Variants in OR51B5 observed in about 807,000 individuals in gnomAD.
The protein encoded by OR51B5 is olfactory receptor family 51 subfamily B member 5.
For synonymous variants in OR51B5, 186 were observed against 144.8 expected (o/e 1.28, Z -2.04); for missense variants, 456 against 374.6 (o/e 1.22, Z -1.79).
At chr11:5,390,191 G>A in intron 1 of OR51B5, 1 of 1,613,964 alleles carries the variant, frequency 6.2e-7, no homozygotes, top group Middle Eastern at 1.6e-4. Context: ...AGTATTCTTT[G>A]TGCCCATGAT....
chr11:5,377,441 G>A (rs923494217), intron 1 of OR51B5, among the ~76,000 whole-genome samples: 1 of 152,202 alleles, frequency 6.6e-6, no homozygotes, highest in African/African-American at 2.4e-5. Context: ...ATTCAACATA[G>A]TGTTGGAAGT....
chr11:5,473,338 C>T (rs182062827), intron 1 of OR51B5, among the ~76,000 whole-genome samples: 9 of 152,142 alleles, frequency 5.9e-5, no homozygotes, highest in East Asian at 3.9e-4. Context: ...AAAAGGATGT[C>T]GGGGCCATCT....
intron 1 of OR51B5, chr11:5,389,376 A>AT: frequency 6.2e-7 from 1 of 1,603,814 alleles, no homozygotes; most frequent in Non-Finnish European, 8.5e-7. Context: ...ATATCCATTT[A>AT]TTTTCAGCTC....
At chr11:5,399,880 T>G (rs1253063467) in intron 1 of OR51B5, among the ~76,000 whole-genome samples, 1 of 152,108 alleles carries the variant, frequency 6.6e-6, no homozygotes, top group African/African-American at 2.4e-5. Flanking sequence ...CAAGATTTGT[T>G]TCTTCCAATA....
intron 1 of OR51B5, among the ~76,000 whole-genome samples, chr11:5,398,208 A>G (rs968824837): frequency 8.2e-5 from 5 of 61,174 alleles, no homozygotes; most frequent in African/African-American, 2.9e-4. Context: ...ATAACAAAAA[A>G]TAAGTTAGAA....
At chr11:5,343,780 T>TAG (rs1166774972), upstream of OR51B5, among the ~76,000 whole-genome samples, 8 of 152,358 alleles carry the variant, frequency 5.3e-5, no homozygotes, top group African/African-American at 1.7e-4. Flanking sequence ...TTTATATGCA[T>TAG]TTAAGCATTC....
At chr11:5,488,812 G>A in intron 1 of OR51B5, 1 of 1,614,034 alleles carries the variant, frequency 6.2e-7, no homozygotes, top group Non-Finnish European at 8.5e-7. Flanking sequence ...CCCTTTCTGT[G>A]CCATGTATCT....
chr11:5,418,082 A>G (rs1268457833), intron 1 of OR51B5, among the ~76,000 whole-genome samples: 1 of 151,022 alleles, frequency 6.6e-6, no homozygotes, highest in Non-Finnish European at 1.5e-5. Flanking sequence ...GCCATAAAAA[A>G]TGATGAGTTC....
chr11:5,379,222 A>C (rs975210476), intron 1 of OR51B5, among the ~76,000 whole-genome samples: 2 of 152,104 alleles, frequency 1.3e-5, no homozygotes, highest in Admixed American at 6.6e-5. Flanking sequence ...CAAAAAACCA[A>C]ACACCACATA....
chr11:5,422,755 T>C (rs149331026), intron 1 of OR51B5: 8 of 1,614,178 alleles, frequency 5.0e-6, no homozygotes, highest in East Asian at 2.2e-5. Context: ...TCCACCAGGA[T>C]ATGATCCGCC....
chr11:5,486,908 C>CAA (rs756073284), intron 1 of OR51B5, among the ~76,000 whole-genome samples: 1 of 144,390 alleles, frequency 6.9e-6, no homozygotes, highest in African/African-American at 2.5e-5. Context: ...CCTGTTCTTA[C>CAA]AAAAAAAAAA....
At chr11:5,457,246 T>C (rs1850973926) in intron 1 of OR51B5, among the ~76,000 whole-genome samples, 1 of 152,218 alleles carries the variant, frequency 6.6e-6, no homozygotes, top group Non-Finnish European at 1.5e-5. Context: ...GGTTTTCTGT[T>C]CATGCATTAA....
intron 1 of OR51B5, among the ~76,000 whole-genome samples, chr11:5,399,554 A>C (rs1849935556): frequency 6.6e-6 from 1 of 152,190 alleles, no homozygotes. Flanking sequence ...TACAGTCATC[A>C]CTGTCCCACA....
intron 1 of OR51B5, among the ~76,000 whole-genome samples, chr11:5,368,141 C>T (rs572719249): frequency 6.6e-6 from 1 of 152,308 alleles, no homozygotes; most frequent in South Asian, 2.1e-4. Flanking sequence ...CATCTTCAAC[C>T]AATAACTTAA....
At chr11:5,445,212 A>G (rs1354303602) in intron 1 of OR51B5, among the ~76,000 whole-genome samples, 1 of 152,196 alleles carries the variant, frequency 6.6e-6, no homozygotes, top group East Asian at 1.9e-4. Context: ...AGACTTAAAG[A>G]AATGATCAAA....
chr11:5,357,643 A>C (rs1243438762), intron 1 of OR51B5, among the ~76,000 whole-genome samples: 1 of 151,428 alleles, frequency 6.6e-6, no homozygotes, highest in East Asian at 1.9e-4. Context: ...AAGCGGACCT[A>C]ATAGACATCT....
chr11:5,445,241 C>T (rs1004239189), intron 1 of OR51B5, among the ~76,000 whole-genome samples: 3 of 152,104 alleles, frequency 2.0e-5, no homozygotes, highest in Non-Finnish European at 4.4e-5. Context: ...AAATACATTT[C>T]CCTGCTTAAA....
At chr11:5,357,139 T>C (rs967494791) in intron 1 of OR51B5, among the ~76,000 whole-genome samples, 2 of 152,022 alleles carry the variant, frequency 1.3e-5, no homozygotes, top group African/African-American at 4.8e-5. Context: ...TTAACCTTAA[T>C]GTAAATGGGC....
chr11:5,469,246 C>T (rs1188256010), intron 1 of OR51B5: 3 of 158,964 alleles, frequency 1.9e-5, no homozygotes, highest in African/African-American at 7.2e-5. Context: ...AGTACATTGG[C>T]TGGTGCAAGC....
Sources: gnomAD v4.1 joint callset for allele counts (sites outside exome capture counted in the v4.1 genomes callset) on GRCh38, gnomAD v4.1.1 for gene constraint, MANE v1.5 for transcripts, NCBI Gene and HGNC (gene_info 2026-07-23, HGNC 2026-07-21) for gene names.